The following MAGI2 variants were observed in gnomAD, a reference collection of about 807,000 sequenced individuals.
MAGI2 encodes the protein membrane-associated guanylate kinase, WW and PDZ domain-containing protein 2.
In MAGI2, 35 loss-of-function variants were observed where a neutral mutation model predicts 133.3. The observed-to-expected ratio is 0.26, with a 90% confidence interval of 0.20 to 0.35. The LOEUF (loss-of-function observed/expected upper bound fraction) is 0.35. MAGI2 is among the 10% of genes least tolerant of loss of function. MAGI2 has a pLI of 1.00. For synonymous variants in MAGI2, 729 were observed against 710.6 expected (o/e 1.03, Z -0.41); for missense variants, 1,636 against 1,863.4 (o/e 0.88, Z 2.25).
chr7:78,468,649 AT>A (rs1311953146), intron 6 of MAGI2, among the ~76,000 whole-genome samples: 8 of 152,104 alleles, frequency 5.3e-5, no homozygotes, highest in African/African-American at 1.7e-4. Flanking sequence ...ATTTAATATA[AT>A]TGGCTTTGCT....
At chr7:78,385,734 T>C (rs140098674) in intron 6 of MAGI2, among the ~76,000 whole-genome samples, 185 of 152,330 alleles carry the variant, frequency 1.2e-3, no homozygotes, top group African/African-American at 4.2e-3. Flanking sequence ...GAACGTTGAC[T>C]TGAAAGAACA....
At chr7:79,107,705 A>G (rs1818562779) in intron 1 of MAGI2, among the ~76,000 whole-genome samples, 1 of 152,208 alleles carries the variant, frequency 6.6e-6, no homozygotes, top group South Asian at 2.1e-4. Flanking sequence ...CTTCCTCCTC[A>G]AATGCATTTC....
intron 9 of MAGI2, among the ~76,000 whole-genome samples, chr7:78,272,177 A>G (rs181336678): frequency 1.2e-4 from 19 of 152,190 alleles, no homozygotes; most frequent in Admixed American, 2.6e-4. Flanking sequence ...GAACATCTTT[A>G]TTCTGCCTTC....
At chr7:78,449,963 A>T (rs1290518478) in intron 6 of MAGI2, among the ~76,000 whole-genome samples, 1 of 152,114 alleles carries the variant, frequency 6.6e-6, no homozygotes, top group Non-Finnish European at 1.5e-5. Flanking sequence ...AGAGGATTAC[A>T]TCTATAGCAG....
rs38117 is a variant in MAGI2 at position 78,627,327 on chromosome 7, G to T, written c.419-88C>A. The T allele has an allele frequency of 0.64, 772,632 of 1,215,514 alleles. 248,137 individuals carry two copies. The highest frequency in any genetic ancestry group is 0.73 in the Middle Eastern group (2,695 of 3,690). The allele number at this position is 1,215,514 out of a possible 1,614,324, so 75.3% of individuals were successfully genotyped here. A position where few individuals can be genotyped will look rare whatever the true frequency, so the allele number is the denominator to read the frequency against. Reference sequence around the variant, plus strand: ...ATACCACCATACTTCTGAATATTCAGTGCCACTTGTTTGTACATCCTGCAA... The same window carrying T: ...ATACCACCATACTTCTGAATATTCATTGCCACTTGTTTGTACATCCTGCAA... On this transcript the variant is annotated intron_variant, in intron 2 of 21. Coordinates refer to ENST00000354212, the MANE Select transcript of MAGI2 (RefSeq NM_012301.4).
rs561342641 is a variant in MAGI2, at chr7:79,294,632, A to T, written c.301+158388T>A. On this transcript the variant is annotated intron_variant, in intron 1 of 21. Transcript: ENST00000354212. ...GAGTTTATTCTTTTTCTTTTTGAAC[A>T]TACTAGGTGATAACCCGACCTGATC... 1.2e-4 allele frequency among the ~76,000 whole-genome samples: 18 copies of T among 151,746 alleles called. 2 individuals carry two copies. In the South Asian group the frequency reaches 3.7e-3, roughly 32 times the overall value.
At chr7:78,052,617 CATT>C (rs1198263007) in intron 21 of MAGI2, among the ~76,000 whole-genome samples, 1 of 152,220 alleles carries the variant, frequency 6.6e-6, no homozygotes, top group Non-Finnish European at 1.5e-5. Flanking sequence ...GGGGACTTTT[CATT>C]ATATCACACG....
At chr7:79,198,122 G>C (rs1042920726) in intron 1 of MAGI2, among the ~76,000 whole-genome samples, 1 of 151,868 alleles carries the variant, frequency 6.6e-6, no homozygotes, top group East Asian at 1.9e-4. Context: ...GCAAAGTGGT[G>C]CATGCTTCTG....
Position 79,023,572 on chromosome 7 carries a change from A to G in MAGI2, c.302-16366T>C, listed in dbSNP as rs181029793. 3.7e-4 allele frequency among the ~76,000 whole-genome samples: 56 copies of G among 152,266 alleles called. No homozygotes were observed. In the East Asian group the frequency reaches 8.9e-3, roughly 24 times the overall value. ...CCCTGTTTGTTGATGATGTGATTCT[A>G]TACCTCAAAAACCTCATAGTGTGTG... On this transcript the variant is annotated intron_variant, in intron 1 of 21. Coordinates refer to ENST00000354212, the MANE Select transcript of MAGI2 (RefSeq NM_012301.4).
intron 1 of MAGI2, among the ~76,000 whole-genome samples, chr7:79,376,837 T>TGA (rs1843415593): frequency 7.0e-6 from 1 of 142,520 alleles, no homozygotes; most frequent in African/African-American, 3.0e-5. Flanking sequence ...TGTGTGTGTG[T>TGA]GTGGGTGTAT....
intron 1 of MAGI2, among the ~76,000 whole-genome samples, chr7:79,377,465 T>C (rs1300337718): frequency 1.3e-5 from 2 of 151,792 alleles, no homozygotes; most frequent in Non-Finnish European, 2.9e-5. Flanking sequence ...ACAGCATCAA[T>C]ATCAAAATCA....
chr7:78,900,670 G>A (rs1030480058), intron 2 of MAGI2, among the ~76,000 whole-genome samples: 7 of 151,994 alleles, frequency 4.6e-5, no homozygotes, highest in Admixed American at 4.6e-4. Flanking sequence ...CTCTTCATTC[G>A]TTTATGAAAC....
At chr7:78,884,921 G>T (rs1218938856) in intron 2 of MAGI2, among the ~76,000 whole-genome samples, 1 of 152,102 alleles carries the variant, frequency 6.6e-6, no homozygotes, top group Non-Finnish European at 1.5e-5. Flanking sequence ...AATCAACCTA[G>T]GTGCCCATTA....
chr7:78,833,557 G>A (rs1020845625), intron 2 of MAGI2, among the ~76,000 whole-genome samples: 4 of 152,164 alleles, frequency 2.6e-5, no homozygotes, highest in Admixed American at 6.5e-5. Flanking sequence ...GGAGTACTTA[G>A]GGGTATTTAG....
intron 20 of MAGI2, 121 bp from the exon 21 acceptor site, chr7:78,079,206 CT>C: frequency 3.2e-6 from 3 of 927,190 alleles, no homozygotes; most frequent in Non-Finnish European, 5.0e-6. Context: ...TGGTGGCAGC[CT>C]GCTGCTTTTT....
chr7:78,439,341 T>C lies in MAGI2; in HGVS notation c.1045+50420A>G, dbSNP rs371949366. On this transcript the variant is annotated intron_variant, in intron 6 of 21. Coordinates refer to ENST00000354212, the MANE Select transcript of MAGI2 (RefSeq NM_012301.4). Reference sequence around the variant, plus strand: ...TTTCAAGGAACTTACAGTCAAGCTATGAGGACAAAAGATGGTGCCCAGAGT... The same window carrying C: ...TTTCAAGGAACTTACAGTCAAGCTACGAGGACAAAAGATGGTGCCCAGAGT... Among the ~76,000 whole-genome samples the C allele has an allele frequency of 2.0e-5, 3 of 151,908 alleles. No individual in the cohort carries two copies. The East Asian group carries it at 5.8e-4, about 29-fold the overall frequency.
At chr7:79,381,737 G>C (rs1394350311) in intron 1 of MAGI2, among the ~76,000 whole-genome samples, 2 of 151,598 alleles carry the variant, frequency 1.3e-5, no homozygotes, top group Non-Finnish European at 3.0e-5. Flanking sequence ...AGATAATAAG[G>C]GGAAGATTTT....
intron 2 of MAGI2, among the ~76,000 whole-genome samples, chr7:78,744,027 T>C (rs1822683586): frequency 6.6e-6 from 1 of 152,220 alleles, no homozygotes; most frequent in African/African-American, 2.4e-5. Flanking sequence ...CTTGAAATGT[T>C]AGAAAATTAC....
chr7:79,094,366 G>A (rs892370837), intron 1 of MAGI2, among the ~76,000 whole-genome samples: 2 of 152,086 alleles, frequency 1.3e-5, no homozygotes, highest in Admixed American at 1.3e-4. Flanking sequence ...TAGTTATTTT[G>A]CTATTTCTAC....
Sources: gnomAD v4.1 joint callset for allele counts (sites outside exome capture counted in the v4.1 genomes callset) on GRCh38, gnomAD v4.1.1 for gene constraint, MANE v1.5 for transcripts, NCBI Gene and HGNC (gene_info 2026-07-23, HGNC 2026-07-21) for gene names.